The following RUNX2 variants were observed in gnomAD, a reference collection of about 807,000 sequenced individuals.
RUNX2 encodes RUNX family transcription factor 2, also known as runt-related transcription factor 2.
In RUNX2, 10 loss-of-function variants were observed where a neutral mutation model predicts 51.7. That is an observed-to-expected ratio of 0.19 (90% CI 0.12 to 0.33). RUNX2 has a LOEUF of 0.33. RUNX2 is among the 10% of genes least tolerant of loss of function. RUNX2 has a pLI of 1.00. For synonymous variants in RUNX2, 276 were observed against 273.6 expected (o/e 1.01, Z -0.09); for missense variants, 562 against 691.3 (o/e 0.81, Z 2.10).
chr6:45,351,496 G>A (rs1289926991), intron 2 of RUNX2, among the ~76,000 whole-genome samples: 1 of 152,114 alleles, frequency 6.6e-6, no homozygotes, highest in Non-Finnish European at 1.5e-5. Flanking sequence ...AGTTACCACA[G>A]CACACAGAAA....
chr6:45,368,584 T>G lies in RUNX2; in HGVS notation c.58+39800T>G, dbSNP rs543154608. Among the ~76,000 whole-genome samples the G allele has an allele frequency of 1.7e-4, 26 of 152,286 alleles. No individual in the cohort carries two copies. In the Middle Eastern group the frequency reaches 0.01, roughly 60 times the overall value. On this transcript the variant is annotated intron_variant, in intron 2 of 8. Coordinates refer to ENST00000647337, the MANE Select transcript of RUNX2 (RefSeq NM_001024630.4). ...AAATACCATGAAACATCTTTAAGCT[T>G]AAAAGACCTCAAATTGTTGAGAACC... is the stretch of plus-strand genomic sequence containing the variant.
At chr6:45,424,555 T>TG (rs1745912525) in intron 3 of RUNX2, among the ~76,000 whole-genome samples, 3 of 149,522 alleles carry the variant, frequency 2.0e-5, no homozygotes, top group Non-Finnish European at 4.4e-5. Flanking sequence ...AAAAAAAAGT[T>TG]GGGGGAGGAA....
At chr6:45,409,571 C>T (rs945558696) in intron 2 of RUNX2, among the ~76,000 whole-genome samples, 2 of 152,132 alleles carry the variant, frequency 1.3e-5, no homozygotes, top group Admixed American at 1.3e-4. Context: ...AACCTTAATG[C>T]CAAACTATTA....
intron 2 of RUNX2, among the ~76,000 whole-genome samples, chr6:45,369,731 G>C (rs1795735315): frequency 6.6e-6 from 1 of 152,194 alleles, no homozygotes; most frequent in Non-Finnish European, 1.5e-5. Flanking sequence ...TAGGGATATA[G>C]TAGTGACTAA....
At chr6:45,396,359 A>T (rs10948233) in intron 2 of RUNX2, among the ~76,000 whole-genome samples, 26,667 of 152,124 alleles carry the variant, frequency 0.18, 2,904 homozygotes, top group Non-Finnish European at 0.25. Context: ...ACCATAATCC[A>T]GTTTTAGAAG....
At chr6:45,516,593 C>A (rs1414362933) in intron 7 of RUNX2, among the ~76,000 whole-genome samples, 2 of 152,152 alleles carry the variant, frequency 1.3e-5, no homozygotes, top group Non-Finnish European at 2.9e-5. Flanking sequence ...TCACTTCATC[C>A]TACATGTTTC....
At chr6:45,423,215 C>T (rs898523522) in intron 3 of RUNX2, among the ~76,000 whole-genome samples, 1 of 152,154 alleles carries the variant, frequency 6.6e-6, no homozygotes, top group Non-Finnish European at 1.5e-5. Context: ...CTGACCCGTT[C>T]AGCACTCCTC....
intron 2 of RUNX2, among the ~76,000 whole-genome samples, chr6:45,333,508 T>G (rs1787936997): frequency 2.0e-5 from 3 of 151,538 alleles, no homozygotes; most frequent in Admixed American, 2.0e-4. Context: ...GGAACAGTGT[T>G]GAGTGGATGT....
chr6:45,545,212 T>G lies in RUNX2; in HGVS notation c.1022-5T>G. On this transcript the variant is annotated splice_region_variant and splice_polypyrimidine_tract_variant and intron_variant, in intron 7 of 8. Coordinates refer to ENST00000647337, the MANE Select transcript of RUNX2 (RefSeq NM_001024630.4). ...AACTTAGAGCTCATCCCCCTCATTT[T>G]ACAGATGATGACACTGCCACCTCTG... 2 of 1,547,106 alleles carry G rather than the reference T, an allele frequency of 1.3e-6. No individual in the cohort carries two copies. The highest frequency in any genetic ancestry group is 1.7e-4 in the Middle Eastern group (1 of 5,990).
chr6:45,528,119 A>C (rs1374552007), intron 7 of RUNX2, among the ~76,000 whole-genome samples: 1 of 152,114 alleles, frequency 6.6e-6, no homozygotes, highest in Non-Finnish European at 1.5e-5. Flanking sequence ...AGACTTATTC[A>C]CTATCACGAG....
chr6:45,392,349 A>T (rs1220707701), intron 2 of RUNX2, among the ~76,000 whole-genome samples: 4 of 152,070 alleles, frequency 2.6e-5, no homozygotes, highest in Admixed American at 2.6e-4. Flanking sequence ...TCTACAAAAA[A>T]ATATATAAAA....
intron 7 of RUNX2, among the ~76,000 whole-genome samples, chr6:45,528,860 A>G (rs1163478788): frequency 6.6e-6 from 1 of 152,248 alleles, no homozygotes; most frequent in Admixed American, 6.5e-5. Context: ...GTCAGTACCC[A>G]AACAGCTTCT....
At chr6:45,533,925 C>T (rs924677698) in intron 7 of RUNX2, among the ~76,000 whole-genome samples, 9 of 132,618 alleles carry the variant, frequency 6.8e-5, no homozygotes, top group South Asian at 2.4e-4. Flanking sequence ...GACAGAGTCT[C>T]GCTCTGTCAT....
chr6:45,352,912 A>G (rs1792362944), intron 2 of RUNX2, among the ~76,000 whole-genome samples: 1 of 152,134 alleles, frequency 6.6e-6, no homozygotes, highest in South Asian at 2.1e-4. Flanking sequence ...ACTACCATTC[A>G]AAATTAAGAC....
At chr6:45,363,732 T>A (rs12663469) in intron 2 of RUNX2, among the ~76,000 whole-genome samples, 22,995 of 151,998 alleles carry the variant, frequency 0.15, 1,985 homozygotes, top group East Asian at 0.26. Context: ...TTTCCATAAT[T>A]TAAAATATAG....
In RUNX2 at chr6:45,328,724, A is replaced by G. The variant is rs1786857978; in HGVS notation, c.-3A>G. On this transcript the variant is annotated 5_prime_UTR_variant, in exon 2 of 9. Coordinates refer to ENST00000647337, the MANE Select transcript of RUNX2 (RefSeq NM_001024630.4). ...GTTCTATCTGAAAAAAAAAGGAGGG[A>G]CTATGGCATCAAACAGCCTCTTCAG... 1.9e-6 allele frequency: 3 copies of G among 1,612,116 alleles called. No individual in the cohort carries two copies. In the East Asian group the frequency reaches 6.7e-5, roughly 36 times the overall value.
chr6:45,331,665 A>G (rs1319830765), intron 2 of RUNX2, among the ~76,000 whole-genome samples: 1 of 151,986 alleles, frequency 6.6e-6, no homozygotes, highest in Non-Finnish European at 1.5e-5. Context: ...TTTATTTTTA[A>G]AAAATGTTTT....
intron 2 of RUNX2, among the ~76,000 whole-genome samples, chr6:45,394,571 A>C (rs1342755622): frequency 6.6e-6 from 1 of 152,002 alleles, no homozygotes; most frequent in Admixed American, 6.6e-5. Context: ...GTGTTCCATA[A>C]TTTTATTATT....
chr6:45,396,423 C>A (rs1162251363), intron 2 of RUNX2, among the ~76,000 whole-genome samples: 1 of 152,180 alleles, frequency 6.6e-6, no homozygotes, highest in Admixed American at 6.5e-5. Context: ...TGCTCCCATG[C>A]CAGCCCTAGA....
Sources: allele counts gnomAD v4.1 joint callset (sites outside exome capture counted in the v4.1 genomes callset), GRCh38; gene constraint gnomAD v4.1.1; transcripts MANE v1.5; gene names NCBI Gene and HGNC (gene_info 2026-07-23, HGNC 2026-07-21).